SPRY3: variants seen among roughly 807,000 people sequenced by gnomAD.
SPRY3 encodes the protein sprouty RTK signaling antagonist 3, also known as protein sprouty homolog 3.
SPRY3 carries 15 observed loss-of-function variants against 20.2 expected under a neutral mutation model. The observed-to-expected ratio is 0.74, with a 90% confidence interval of 0.50 to 1.14. The LOEUF (loss-of-function observed/expected upper bound fraction) is 1.14. SPRY3 is among the 50% of genes most tolerant of loss of function. The pLI is 0.00. For missense variants in SPRY3, 364 were observed against 363.9 expected (o/e 1.00, Z 0.00); for synonymous variants, 143 against 136.5 (o/e 1.05, Z -0.33).
intron 2 of SPRY3, among the ~76,000 whole-genome samples, chrX:155,757,240 C>A (rs1163177441): frequency 1.3e-5 from 2 of 152,106 alleles, no homozygotes; most frequent in Non-Finnish European, 2.9e-5. Context: ...TAGGCATAGG[C>A]GTGCTGATCT....
intron 1 of SPRY3, among the ~76,000 whole-genome samples, chrX:155,621,947 C>T (rs781794109): frequency 8.9e-6 from 1 of 111,908 alleles, no homozygotes; most frequent in Non-Finnish European, 1.9e-5. Flanking sequence ...TTACTACAAA[C>T]TCACAGAAGC....
intron 2 of SPRY3, among the ~76,000 whole-genome samples, chrX:155,763,445 T>C (rs1269644486): frequency 6.6e-6 from 1 of 151,912 alleles, no homozygotes; most frequent in African/African-American, 2.4e-5. Context: ...CTGACTCTAG[T>C]ATCTCCCCAC....
chrX:155,779,376 C>T (rs2091449889), downstream of SPRY3: 1 of 166,970 alleles, frequency 6.0e-6, no homozygotes. Context: ...AGATAACCTA[C>T]CACCTTTAAA....
At chrX:155,767,726 AGGAGGAGGAGAGAGAGG>A (rs2091346395) in intron 2 of SPRY3, 1 of 57,930 alleles carries the variant, frequency 1.7e-5, no homozygotes, top group Non-Finnish European at 3.9e-5. Context: ...GAGAAAGAGG[AGGAGGAGGAGAGAGAGG>A]AGGAGGAGGA....
intron 2 of SPRY3, among the ~76,000 whole-genome samples, chrX:155,682,058 AGAAG>A (rs1395061520): frequency 3.5e-5 from 4 of 112,757 alleles, no homozygotes; most frequent in African/African-American, 1.3e-4. Flanking sequence ...ATAGCTAGAG[AGAAG>A]TCAACACCTG....
intron 1 of SPRY3, among the ~76,000 whole-genome samples, chrX:155,625,852 C>G (rs782729600): frequency 3.6e-5 from 4 of 111,570 alleles, no homozygotes; most frequent in African/African-American, 1.3e-4. Flanking sequence ...TATTATTTCA[C>G]TGAGCATAAT....
chrX:155,765,046 A>G (rs749894408), intron 2 of SPRY3, among the ~76,000 whole-genome samples: 1 of 152,258 alleles, frequency 6.6e-6, no homozygotes, highest in South Asian at 2.1e-4. Flanking sequence ...GGCCTCTTTT[A>G]TAAGAGAACT....
In SPRY3 at chrX:155,697,633, GGTGT is replaced by G. The variant is rs746391298; in HGVS notation, c.-282+40627_-282+40630del. 1.5e-4 allele frequency among the ~76,000 whole-genome samples: 16 copies of G among 104,746 alleles called. No homozygotes were observed. In the East Asian group the frequency reaches 3.3e-3, roughly 22 times the overall value. 91.0% of individuals were successfully genotyped at this position (104,746 alleles called of 115,157 possible). A position where few individuals can be genotyped will look rare whatever the true frequency, so the allele number is the denominator to read the frequency against. On this transcript the variant is annotated intron_variant, in intron 2 of 3. Coordinates refer to ENST00000675360, the Ensembl canonical transcript of SPRY3. ...TGCCTGGTTGTGCATTGTAGGTAGG[GGTGT>G]GTGTGTGTGTGTGTGTGTCTGTGTG...
chrX:155,759,008 G>A (rs1465018731), intron 2 of SPRY3, among the ~76,000 whole-genome samples: 5 of 151,204 alleles, frequency 3.3e-5, no homozygotes, highest in Non-Finnish European at 7.4e-5. Context: ...GAAACATGTT[G>A]TTTTGACATC....
intron 2 of SPRY3, among the ~76,000 whole-genome samples, chrX:155,749,080 C>T (rs758392813): frequency 1.3e-5 from 2 of 151,956 alleles, no homozygotes; most frequent in African/African-American, 4.8e-5. Context: ...TCACACAATG[C>T]CCAATACATA....
At chrX:155,751,930 A>AAATAAAATAAAAT (rs1569395577) in intron 2 of SPRY3, among the ~76,000 whole-genome samples, 1 of 26,424 alleles carries the variant, frequency 3.8e-5, no homozygotes, top group East Asian at 1.3e-3. Flanking sequence ...AAGGGAAATA[A>AAATAAAATAAAAT]AATAAAATAA....
chrX:155,727,781 C>A (rs1165551338), intron 2 of SPRY3, among the ~76,000 whole-genome samples: 2 of 152,028 alleles, frequency 1.3e-5, no homozygotes, highest in African/African-American at 4.8e-5. Context: ...TTATTACCAA[C>A]CTTCTGAAGC....
chrX:155,650,542 G>A (rs975497123), intron 1 of SPRY3, among the ~76,000 whole-genome samples: 3 of 111,998 alleles, frequency 2.7e-5, no homozygotes, highest in Admixed American at 9.5e-5. Flanking sequence ...AAAGCTATAC[G>A]TGTTCTGCAG....
chrX:155,704,483 G>T (rs2090935064), intron 2 of SPRY3, among the ~76,000 whole-genome samples: 1 of 151,322 alleles, frequency 6.6e-6, no homozygotes, highest in African/African-American at 2.4e-5. Flanking sequence ...ATTACATTGA[G>T]ACAAAAAAAG....
At chrX:155,774,342 C>T in exon 4 of SPRY3, 1 of 1,614,026 alleles carries the variant, frequency 6.2e-7, no homozygotes, top group Non-Finnish European at 8.5e-7. Flanking sequence ...AGTGCGTCCC[C>T]TGCACAGCAG....
At chrX:155,656,247 G>T (rs782537732) in intron 1 of SPRY3, among the ~76,000 whole-genome samples, 1 of 111,330 alleles carries the variant, frequency 9.0e-6, no homozygotes, top group African/African-American at 3.3e-5. Context: ...TCAATCAGAG[G>T]TTTAGTCTTT....
intron 2 of SPRY3, among the ~76,000 whole-genome samples, chrX:155,740,409 C>A (rs1351428835): frequency 6.6e-6 from 1 of 152,038 alleles, no homozygotes; most frequent in Non-Finnish European, 1.5e-5. Flanking sequence ...AACGGACGTG[C>A]AAGTAGGGAA....
chrX:155,618,609 C>T (rs782150477), intron 1 of SPRY3, among the ~76,000 whole-genome samples: 5 of 111,416 alleles, frequency 4.5e-5, no homozygotes, highest in African/African-American at 6.5e-5. Flanking sequence ...ACTACAACAC[C>T]GTCTTCCAGA....
At chrX:155,727,450 T>C (rs2091105901) in intron 2 of SPRY3, among the ~76,000 whole-genome samples, 1 of 152,194 alleles carries the variant, frequency 6.6e-6, no homozygotes, top group Non-Finnish European at 1.5e-5. Context: ...CTATCAGATG[T>C]AGATTTGGTC....
Sources: allele counts gnomAD v4.1 joint callset (sites outside exome capture counted in the v4.1 genomes callset), GRCh38; gene constraint gnomAD v4.1.1; transcripts MANE v1.5; gene names NCBI Gene and HGNC (gene_info 2026-07-23, HGNC 2026-07-21).